KNTC1: variants seen among roughly 807,000 people sequenced by gnomAD.
KNTC1 encodes kinetochore associated 1.
In KNTC1, 253 loss-of-function variants were observed where a neutral mutation model predicts 314.4. The ratio of observed to expected loss-of-function variants is 0.80; its 90% CI spans 0.73 to 0.89. KNTC1 has a LOEUF of 0.89. Among genes scored for constraint, KNTC1 ranks in the 40% least tolerant of loss-of-function variants. The pLI is 0.00. For synonymous variants in KNTC1, 901 were observed against 901.4 expected (o/e 1.00, Z 0.01); for missense variants, 2,475 against 2,572.9 (o/e 0.96, Z 0.82).
At position 122,539,568 on chromosome 12, in the gene KNTC1, G is replaced by A. The variant is rs184701741; in HGVS notation, c.367-108G>A. 220 of 744,602 alleles carry A rather than the reference G, an allele frequency of 3.0e-4. No individual in the cohort carries two copies. The East Asian group carries it at 5.8e-3, about 20-fold the overall frequency. The allele number at this position is 744,602 out of a possible 1,614,324, so 46.1% of individuals were successfully genotyped here. On this transcript the variant is annotated intron_variant, in intron 4 of 63. Coordinates refer to ENST00000333479, the MANE Select transcript of KNTC1 (RefSeq NM_014708.6). ...TAAAAGTAAGATGTTTAGAATATAG[G>A]CAGAATTATTGCTAATGATAATTGA... is the stretch of plus-strand genomic sequence containing the variant.
Position 122,605,423 on chromosome 12 carries a change from C to T in KNTC1, c.5496+8C>T, listed in dbSNP as rs1275888246. The T allele has an allele frequency of 2.1e-6, 3 of 1,434,258 alleles. No homozygotes were observed. The highest frequency in any genetic ancestry group is 1.8e-4 in the Middle Eastern group (1 of 5,712). 88.8% of individuals were successfully genotyped at this position (1,434,258 alleles called of 1,614,324 possible). A position where few individuals can be genotyped will look rare whatever the true frequency, so the allele number is the denominator to read the frequency against. ...TCAACAAAACCTGGTGAAGTAAGTA[C>T]TTGCTGCCCAAGAGTATCTGTAGTT... On this transcript the variant is annotated splice_region_variant and intron_variant, in intron 51 of 63. Coordinates refer to ENST00000333479, the MANE Select transcript of KNTC1 (RefSeq NM_014708.6).
At position 122,530,212 on chromosome 12, in the gene KNTC1, C is replaced by G. The variant is rs1451531539; in HGVS notation, c.129+20C>G. On this transcript the variant is annotated intron_variant, in intron 2 of 63. Coordinates refer to ENST00000333479, the MANE Select transcript of KNTC1 (RefSeq NM_014708.6). The stretch of plus-strand genomic sequence containing the variant: ...GAAAAGGTAGTGATTATTACACTGA[C>G]TGTTTCATTCACAGAATTTTTACTG... 6 of 1,606,094 alleles carry G rather than the reference C, an allele frequency of 3.7e-6. No homozygotes were observed. The highest frequency in any genetic ancestry group is 5.1e-6 in the Non-Finnish European group (6 of 1,175,128).
rs541055107 is a variant in KNTC1 at position 122,622,603 on chromosome 12, T to A, written c.6511T>A (p.Leu2171Ile). Residue 2171 changes from leucine (L) to isoleucine (I), a missense_variant, in exon 62 of 64, where the codon TTA becomes ATA. Transcript: ENST00000333479. ...TELVNYLAND[L>I]SLDEASVLIT... ...GCTAGTGAACTATTTGGCAAATGAC[T>A]TAAGGTAAGTTAATTAAAAAAAAAA... 1.7e-5 allele frequency: 25 copies of A among 1,507,538 alleles called. 1 individual carries two copies. The South Asian group carries it at 3.2e-4, about 19-fold the overall frequency. The allele number at this position is 1,507,538 out of a possible 1,614,324, so 93.4% of individuals were successfully genotyped here. A position where few individuals can be genotyped will look rare whatever the true frequency, so the allele number is the denominator to read the frequency against.
intron 18 of KNTC1, among the ~76,000 whole-genome samples, chr12:122,559,870 C>T (rs116539802): frequency 5.9e-5 from 9 of 152,160 alleles, no homozygotes; most frequent in Admixed American, 1.3e-4. Context: ...CCACTGCGCC[C>T]GGCCTATCTT....
intron 51 of KNTC1, 38 bp from the exon 52 acceptor site, chr12:122,609,346 T>C: frequency 7.6e-7 from 1 of 1,321,048 alleles, no homozygotes; most frequent in Non-Finnish European, 1.1e-6. Context: ...GTCATAAACT[T>C]TTTCAGTTTT....
chr12:122,531,349 G>A (rs920419002), intron 2 of KNTC1, among the ~76,000 whole-genome samples: 5 of 152,016 alleles, frequency 3.3e-5, no homozygotes, highest in Non-Finnish European at 5.9e-5. Flanking sequence ...TGGGATTACA[G>A]GTGTGTGCCA....
intron 59 of KNTC1, among the ~76,000 whole-genome samples, chr12:122,619,707 C>A (rs796474085): frequency 6.6e-6 from 1 of 152,100 alleles, no homozygotes; most frequent in African/African-American, 2.4e-5. Context: ...CCACCGCGCC[C>A]GGCCAACACT....
chr12:122,548,651 C>CA (rs1447539085), intron 12 of KNTC1, among the ~76,000 whole-genome samples: 1 of 151,994 alleles, frequency 6.6e-6, no homozygotes, highest in Non-Finnish European at 1.5e-5. Context: ...GGTAGAACAT[C>CA]ATTTCATATG....
At position 122,582,750 on chromosome 12, in the gene KNTC1, TC is replaced by T. The variant is rs34897694; in HGVS notation, c.3031del (p.Leu1011TrpfsTer2). 1 of 1,612,030 alleles carries T rather than the reference TC, an allele frequency of 6.2e-7. No homozygotes were observed. Among genetic ancestry groups the T allele is most frequent in the East Asian group, 2.2e-5 (1 of 44,886 alleles). Reference protein sequence around the residue: ...FLSFEDYSNSSLVADLREQHI... With the variant: ...FLSFEDYSNSXLVADLREQHI... ...TTCATTTGAAGATTATAGCAATAGT[TC>T]CCTGGTAGCAGATCTCCGTGAGCAG... On this transcript the variant is annotated frameshift_variant, in exon 34 of 64. Coordinates refer to ENST00000333479, the MANE Select transcript of KNTC1 (RefSeq NM_014708.6). LOFTEE classifies it high-confidence loss of function.
chr12:122,538,423 A>C lies in KNTC1; in HGVS notation c.335A>C (p.His112Pro), dbSNP rs1565931372. ...GERSGNLHLI[H>P]VTSKQTLLTN... Reference sequence around the variant, plus strand: ...AGAAGTGGCAACCTACATCTTATTCATGTAACATCAAAACAAACACTACTC... The same window carrying C: ...AGAAGTGGCAACCTACATCTTATTCCTGTAACATCAAAACAAACACTACTC... Residue 112 changes from histidine to proline, a missense_variant, in exon 4 of 64, where the codon CAT becomes CCT. Coordinates refer to ENST00000333479, the MANE Select transcript of KNTC1 (RefSeq NM_014708.6). The C allele has an allele frequency of 6.3e-7, 1 of 1,598,818 alleles. No homozygotes were observed. Among genetic ancestry groups the C allele is most frequent in the African/African-American group, 1.3e-5 (1 of 74,796 alleles).
intron 45 of KNTC1, 23 bp downstream of exon 45, chr12:122,601,648 G>A: frequency 1.4e-6 from 2 of 1,453,554 alleles, no homozygotes; most frequent in Non-Finnish European, 1.8e-6. Flanking sequence ...TATCAAAGAT[G>A]TAAAAATCAT....
Position 122,605,286 on chromosome 12 carries a change from C to T in KNTC1, c.5387-20C>T, listed in dbSNP as rs999439061. On this transcript the variant is annotated intron_variant, in intron 50 of 63. Coordinates refer to ENST00000333479, the MANE Select transcript of KNTC1 (RefSeq NM_014708.6). ...TATTTAAAACTTGAGTTTTTCTTTT[C>T]TTTATTTTGAATATCTTAGATATTC... 1.4e-6 allele frequency: 2 copies of T among 1,476,042 alleles called. No homozygotes were observed. The highest frequency in any genetic ancestry group is 2.8e-5 in the African/African-American group (2 of 70,250). The allele number at this position is 1,476,042 out of a possible 1,614,324, so 91.4% of individuals were successfully genotyped here.
chr12:122,555,839 ACT>A (rs1162329304), intron 16 of KNTC1, among the ~76,000 whole-genome samples: 1 of 152,110 alleles, frequency 6.6e-6, no homozygotes, highest in Non-Finnish European at 1.5e-5. Context: ...ACAGAGCGAG[ACT>A]CTGTCTCATA....
intron 27 of KNTC1, among the ~76,000 whole-genome samples, chr12:122,575,027 A>G (rs1964923569): frequency 6.6e-6 from 1 of 152,204 alleles, no homozygotes; most frequent in African/African-American, 2.4e-5. Context: ...TTTGGAAGCC[A>G]AGGCAGACAG....
intron 49 of KNTC1, 93 bp downstream of exon 49, chr12:122,604,730 A>G: frequency 1.6e-6 from 2 of 1,229,314 alleles, no homozygotes; most frequent in Admixed American, 4.0e-5. Flanking sequence ...GGTGCCTAAA[A>G]TGGAGAAGGA....
chr12:122,577,022 G>A lies in KNTC1; in HGVS notation c.2714G>A (p.Arg905Lys). The A allele has an allele frequency of 6.5e-7, 1 of 1,537,620 alleles. No individual in the cohort carries two copies. Among genetic ancestry groups the A allele is most frequent in the Non-Finnish European group, 8.7e-7 (1 of 1,144,448 alleles). Residue 905 changes from arginine to lysine, a missense_variant, in exon 30 of 64, where the codon AGA (arginine) becomes AAA (lysine). By Grantham distance (26) the Arg-to-Lys change is conservative. Transcript: ENST00000333479. Reference protein sequence around the residue: ...YSLRIIDLIDREQGEDCLLLL... With the variant: ...YSLRIIDLIDKEQGEDCLLLL... ...CTAAGAATTATTGACCTGATTGATA[G>A]AGAACAGGTTTGTAAGTTTTATGTT...
chr12:122,556,146 A>G (rs1010693061), intron 16 of KNTC1, among the ~76,000 whole-genome samples: 1 of 151,850 alleles, frequency 6.6e-6, no homozygotes. Flanking sequence ...CCTCTCGAGT[A>G]GCTAGGATTA....
rs1307707955 is a variant in KNTC1 at position 122,527,318 on chromosome 12, T to A, written c.-107T>A. The A allele has an allele frequency of 5.3e-6, 1 of 188,296 alleles. No individual in the cohort carries two copies. 11.7% of individuals were successfully genotyped at this position (188,296 alleles called of 1,614,324 possible). ...GTGAGTCAGGAAGAGGGGCCAGATATCTGAGTGTTCCTCTTTAGTTTCTTC... is the reference window on the plus strand; with the variant it reads ...GTGAGTCAGGAAGAGGGGCCAGATAACTGAGTGTTCCTCTTTAGTTTCTTC... On this transcript the variant is annotated 5_prime_UTR_variant, in exon 1 of 64. Transcript: ENST00000333479.
intron 30 of KNTC1, 57 bp downstream of exon 30, chr12:122,577,086 G>T (rs754605763): frequency 4.6e-5 from 63 of 1,366,068 alleles, no homozygotes; most frequent in Admixed American, 6.1e-5. Flanking sequence ...TGTTGTTGTT[G>T]TTGTTTTTTG....
Sources: allele counts gnomAD v4.1 joint callset (sites outside exome capture counted in the v4.1 genomes callset), GRCh38; gene constraint gnomAD v4.1.1; transcripts MANE v1.5; gene names NCBI Gene and HGNC (gene_info 2026-07-23, HGNC 2026-07-21).